Variants in WDR12 observed in about 807,000 individuals in gnomAD.
WDR12 encodes WD repeat domain 12.
In WDR12, 42 loss-of-function variants were observed where a neutral mutation model predicts 64.3. The ratio of observed to expected loss-of-function variants is 0.65; its 90% CI spans 0.51 to 0.84. The LOEUF (loss-of-function observed/expected upper bound fraction) is 0.84, where lower values mean the gene tolerates loss of function less well. WDR12 is among the 40% of genes least tolerant of loss of function. The pLI is 0.00. For synonymous variants in WDR12, 158 were observed against 173.3 expected (o/e 0.91, Z 0.70); for missense variants, 469 against 494.6 (o/e 0.95, Z 0.49).
intron 5 of WDR12, among the ~76,000 whole-genome samples, chr2:202,896,646 G>C (rs1044808904): frequency 1.3e-5 from 2 of 151,606 alleles, no homozygotes; most frequent in African/African-American, 4.9e-5. Context: ...AGTTGAGATG[G>C]AGCCACTACA....
chr2:202,911,342 A>G (rs558932574), intron 1 of WDR12, 94 bp downstream of exon 1: 1 of 1,226,134 alleles, frequency 8.2e-7, no homozygotes, highest in South Asian at 1.2e-5. Context: ...GGTGGGGGTG[A>G]CAGCAGAAAC....
chr2:202,891,791 T>C (rs1272643503), intron 8 of WDR12, among the ~76,000 whole-genome samples: 1 of 152,204 alleles, frequency 6.6e-6, no homozygotes, highest in African/African-American at 2.4e-5. Context: ...ACAAAAAGTA[T>C]ATAAATACAG....
chr2:202,900,254 A>G (rs1688325071), intron 3 of WDR12, among the ~76,000 whole-genome samples: 1 of 151,644 alleles, frequency 6.6e-6, no homozygotes, highest in East Asian at 1.9e-4. Flanking sequence ...ATTTGTACCC[A>G]GGAGGTAGAG....
At chr2:202,884,100 C>T in intron 10 of WDR12, 98 bp downstream of exon 10, 1 of 1,250,818 alleles carries the variant, frequency 8.0e-7, no homozygotes, top group Non-Finnish European at 1.1e-6. Flanking sequence ...CATGAGCCAC[C>T]ACGCCTGGCC....
At chr2:202,897,236 C>A in intron 5 of WDR12, 64 bp downstream of exon 5, 1 of 1,189,174 alleles carries the variant, frequency 8.4e-7, no homozygotes. Flanking sequence ...TCCCCAGCAC[C>A]AAAAATGGCT....
At chr2:202,904,136 C>T (rs1270015634) in intron 2 of WDR12, among the ~76,000 whole-genome samples, 1 of 39,276 alleles carries the variant, frequency 2.5e-5, no homozygotes. Flanking sequence ...GAAACTCTGT[C>T]TCAAAAAAAA....
chr2:202,882,676 C>T, intron 12 of WDR12, 35 bp downstream of exon 12: 1 of 1,587,730 alleles, frequency 6.3e-7, no homozygotes, highest in Admixed American at 1.7e-5. Context: ...ATTCTAGTCA[C>T]TTTCCTCTTC....
Position 202,883,703 on chromosome 2 carries a change from C to T in WDR12, c.1027G>A (p.Gly343Ser). Residue 343 changes from glycine (G) to serine (S), a missense_variant, in exon 11 of 13, where the codon GGT becomes AGT. Physicochemically the swap from Gly to Ser is moderately conservative, Grantham distance 56. Coordinates refer to ENST00000261015, the MANE Select transcript of WDR12 (RefSeq NM_018256.4). ...GACCATTTTACTGATGTCACCCAAC[C>T]AGTATGTGACGTTAGGGACAGCGAC... ...LVSLSLTSHT[G>S]WVTSVKWSPT... 6.2e-7 allele frequency: 1 copy of T among 1,613,962 alleles called. No individual in the cohort carries two copies. Among genetic ancestry groups the T allele is most frequent in the Non-Finnish European group, 8.5e-7 (1 of 1,179,916 alleles).
chr2:202,889,073 TA>T (rs1688101527), intron 8 of WDR12, among the ~76,000 whole-genome samples: 1 of 152,192 alleles, frequency 6.6e-6, no homozygotes. Context: ...TGGCATGACT[TA>T]AACTAATAAT....
intron 10 of WDR12, 80 bp from the exon 11 acceptor site, chr2:202,883,821 A>AT (rs34788166): frequency 0.77 from 806,801 of 1,047,826 alleles, 289,145 homozygotes; most frequent in African/African-American, 0.91. Flanking sequence ...ATTTGTAGAA[A>AT]TTTTTTTTTT....
At chr2:202,911,180 A>G (rs1262870128) in intron 1 of WDR12, among the ~76,000 whole-genome samples, 4 of 152,202 alleles carry the variant, frequency 2.6e-5, no homozygotes, top group Non-Finnish European at 4.4e-5. Context: ...CAGACACCCT[A>G]TAACAAGGCC....
rs182479265 is a variant in WDR12, at chr2:202,877,794, T to G, written c.*3066A>C. 6.6e-6 allele frequency: 1 copy of G among 152,372 alleles called. No individual in the cohort carries two copies. Among genetic ancestry groups the G allele is most frequent in the East Asian group, 1.9e-4 (1 of 5,188 alleles). 9.4% of individuals were successfully genotyped at this position (152,372 alleles called of 1,614,324 possible). A position where few individuals can be genotyped will look rare whatever the true frequency, so the allele number is the denominator to read the frequency against. ...TCTGAGCACTGCATTGTCAGGTTCC[T>G]AGCTTTTCCCCAACCACGGGAAAGC... On this transcript the variant is annotated 3_prime_UTR_variant, in exon 13 of 13. Coordinates refer to ENST00000261015, the MANE Select transcript of WDR12 (RefSeq NM_018256.4).
intron 4 of WDR12, among the ~76,000 whole-genome samples, chr2:202,898,079 AC>A (rs1399593108): frequency 1.1e-4 from 3 of 27,768 alleles, no homozygotes; most frequent in Admixed American, 3.6e-4. Context: ...AACCACCCCC[AC>A]CCAAAAAAAA....
chr2:202,902,183 T>C (rs561106799), intron 2 of WDR12, among the ~76,000 whole-genome samples: 29 of 152,310 alleles, frequency 1.9e-4, no homozygotes, highest in African/African-American at 4.1e-4. Context: ...CATACTGGAA[T>C]TGCAAAGCTT....
At chr2:202,907,842 C>G (rs1478481036) in intron 2 of WDR12, 23 bp downstream of exon 2, 2 of 1,571,416 alleles carry the variant, frequency 1.3e-6, no homozygotes, top group African/African-American at 1.3e-5. Context: ...ACACTGTGCC[C>G]TCTCCTAAGC....
At chr2:202,887,018 AC>A (rs1230349791) in intron 8 of WDR12, among the ~76,000 whole-genome samples, 2 of 152,120 alleles carry the variant, frequency 1.3e-5, no homozygotes, top group Non-Finnish European at 2.9e-5. Context: ...TATGAATAAT[AC>A]CACAGTTTTG....
chr2:202,909,266 T>G (rs1360906694), intron 1 of WDR12, among the ~76,000 whole-genome samples: 1 of 152,172 alleles, frequency 6.6e-6, no homozygotes, highest in African/African-American at 2.4e-5. Flanking sequence ...TCATAATAGC[T>G]AAAAGGTATA....
intron 6 of WDR12, among the ~76,000 whole-genome samples, chr2:202,895,046 T>C (rs1461369752): frequency 6.6e-6 from 1 of 152,192 alleles, no homozygotes; most frequent in African/African-American, 2.4e-5. Context: ...CTATCTCTCC[T>C]TAACCAAAAA....
At chr2:202,893,059 G>A (rs1688181348) in intron 7 of WDR12, among the ~76,000 whole-genome samples, 1 of 151,966 alleles carries the variant, frequency 6.6e-6, no homozygotes, top group Non-Finnish European at 1.5e-5. Context: ...TTATGAAGGA[G>A]GGAAGGATAA....
Sources: allele counts gnomAD v4.1 joint callset (sites outside exome capture counted in the v4.1 genomes callset), GRCh38; gene constraint gnomAD v4.1.1; transcripts MANE v1.5; gene names NCBI Gene and HGNC (gene_info 2026-07-23, HGNC 2026-07-21).